The following GPAM variants were observed in gnomAD, a reference collection of about 807,000 sequenced individuals.
The protein encoded by GPAM is glycerol-3-phosphate acyltransferase 1, mitochondrial.
In GPAM, 56 loss-of-function variants were observed where a neutral mutation model predicts 105.0. The ratio of observed to expected loss-of-function variants is 0.53; its 90% CI spans 0.43 to 0.67. GPAM has a LOEUF of 0.67. GPAM is among the 30% of genes least tolerant of loss of function. GPAM has a pLI of 0.00. For missense variants in GPAM, 855 were observed against 989.8 expected (o/e 0.86, Z 1.83); for synonymous variants, 368 against 354.4 (o/e 1.04, Z -0.43).
chr10:112,213,968 A>G (rs1847941764), intron 1 of GPAM, among the ~76,000 whole-genome samples: 1 of 152,146 alleles, frequency 6.6e-6, no homozygotes. Context: ...CAGTTTCCAT[A>G]AATTTATGAA....
At chr10:112,170,762 G>GCTGT (rs1284852156) in intron 9 of GPAM, among the ~76,000 whole-genome samples, 2 of 152,186 alleles carry the variant, frequency 1.3e-5, no homozygotes, top group African/African-American at 4.8e-5. Flanking sequence ...ATTACAGCTA[G>GCTGT]CTGTCTGTCT....
chr10:112,172,057 T>C (rs757374842), intron 9 of GPAM, 125 bp downstream of exon 9: 11 of 744,542 alleles, frequency 1.5e-5, no homozygotes, highest in Non-Finnish European at 2.5e-5. Flanking sequence ...TGTATCACTT[T>C]TATAATAAAA....
rs1472691983 is a variant in GPAM at position 112,180,610 on chromosome 10, G to T, written c.103-15C>A. The T allele has an allele frequency of 6.2e-7, 1 of 1,601,544 alleles. No individual in the cohort carries two copies. Among genetic ancestry groups the T allele is most frequent in the Non-Finnish European group, 8.6e-7 (1 of 1,169,270 alleles). ...CCACACTCACCCTGACAAATATTAA[G>T]AAAAAAATATAGTTTCTAAATGGCA... On this transcript the variant is annotated splice_polypyrimidine_tract_variant and intron_variant, in intron 3 of 21. Coordinates refer to ENST00000348367, the MANE Select transcript of GPAM (RefSeq NM_001244949.2).
chr10:112,209,929 G>A (rs1197987806), intron 1 of GPAM, among the ~76,000 whole-genome samples: 3 of 152,232 alleles, frequency 2.0e-5, no homozygotes, highest in Admixed American at 6.5e-5. Flanking sequence ...CATGGGTAGA[G>A]TTTGCATGCA....
intron 15 of GPAM, among the ~76,000 whole-genome samples, 185 bp from the exon 16 acceptor site, chr10:112,161,053 C>T (rs1327724754): frequency 6.6e-6 from 1 of 152,146 alleles, no homozygotes; most frequent in African/African-American, 2.4e-5. Flanking sequence ...GCTGGTCCTC[C>T]AGGAATGTCA....
chr10:112,170,468 A>C (rs998657400), intron 9 of GPAM, among the ~76,000 whole-genome samples: 3 of 152,256 alleles, frequency 2.0e-5, no homozygotes, highest in Non-Finnish European at 2.9e-5. Context: ...ATTACAAAAA[A>C]TTATCAGTGT....
In GPAM at chr10:112,151,345, G is replaced by A; in HGVS notation, c.*2205C>T. ...TTCGTTTTTTTGTTTTTTGTTTTCAGTCATGAGGCACTGAAGAATGAGTTG... is the reference window on the plus strand; with the variant it reads ...TTCGTTTTTTTGTTTTTTGTTTTCAATCATGAGGCACTGAAGAATGAGTTG... On this transcript the variant is annotated 3_prime_UTR_variant, in exon 22 of 22. Transcript: ENST00000348367. 1.0e-6 allele frequency: 1 copy of A among 985,710 alleles called. No individual in the cohort carries two copies. The highest frequency in any genetic ancestry group is 1.1e-4 in the East Asian group (1 of 8,812). The allele number at this position is 985,710 out of a possible 1,614,324, so 61.1% of individuals were successfully genotyped here.
At chr10:112,170,655 G>A (rs796371088) in intron 9 of GPAM, among the ~76,000 whole-genome samples, 38 of 152,140 alleles carry the variant, frequency 2.5e-4, no homozygotes, top group African/African-American at 8.2e-4. Flanking sequence ...TCAGTTTCCC[G>A]GTTCCTTGTT....
intron 14 of GPAM, 52 bp from the exon 15 acceptor site, chr10:112,161,789 T>C: frequency 7.4e-7 from 1 of 1,356,806 alleles, no homozygotes; most frequent in Non-Finnish European, 1.1e-6. Context: ...CAAACATAGC[T>C]GAACTTTTTT....
chr10:112,177,884 C>A, intron 5 of GPAM, 100 bp downstream of exon 5: 1 of 698,932 alleles, frequency 1.4e-6, no homozygotes, highest in Non-Finnish European at 2.6e-6. Flanking sequence ...ATTCTATTCA[C>A]TCTCAGTAAT....
chr10:112,203,090 T>G (rs1292107518), intron 1 of GPAM, among the ~76,000 whole-genome samples: 1 of 151,970 alleles, frequency 6.6e-6, no homozygotes, highest in Non-Finnish European at 1.5e-5. Flanking sequence ...ACAGGCCTCC[T>G]CTCAGCGCTG....
At chr10:112,159,842 C>CG (rs1261903731) in intron 17 of GPAM, 69 bp downstream of exon 17, 81 of 1,471,996 alleles carry the variant, frequency 5.5e-5, no homozygotes, top group South Asian at 4.7e-4. Context: ...CAGAAAAACA[C>CG]GGGGGGTTAC....
intron 1 of GPAM, among the ~76,000 whole-genome samples, chr10:112,196,693 C>T (rs1333822661): frequency 1.3e-5 from 2 of 152,174 alleles, no homozygotes; most frequent in South Asian, 4.1e-4. Context: ...ATGTTTATTA[C>T]AAGGATGATC....
At chr10:112,199,723 G>A (rs978086622) in intron 1 of GPAM, among the ~76,000 whole-genome samples, 2 of 152,124 alleles carry the variant, frequency 1.3e-5, no homozygotes, top group African/African-American at 4.8e-5. Context: ...CATGATGGAA[G>A]GTAAATGAGG....
chr10:112,213,555 G>A (rs1430569809), intron 1 of GPAM, among the ~76,000 whole-genome samples: 1 of 152,138 alleles, frequency 6.6e-6, no homozygotes, highest in Non-Finnish European at 1.5e-5. Flanking sequence ...GTCTGGTGGG[G>A]GCAATGGATC....
intron 1 of GPAM, among the ~76,000 whole-genome samples, chr10:112,198,983 C>T (rs1737510648): frequency 1.3e-5 from 2 of 151,596 alleles, no homozygotes; most frequent in Admixed American, 6.6e-5. Flanking sequence ...AGTGCAGTGG[C>T]ACCATCTCGG....
Position 112,163,709 on chromosome 10 carries a change from A to C in GPAM, c.1415T>G (p.Ile472Ser). The C allele has an allele frequency of 2.1e-6, 3 of 1,459,978 alleles. No homozygotes were observed. The highest frequency in any genetic ancestry group is 2.9e-6 in the Non-Finnish European group (3 of 1,039,184). The allele number at this position is 1,459,978 out of a possible 1,614,324, so 90.4% of individuals were successfully genotyped here. A position where few individuals can be genotyped will look rare whatever the true frequency, so the allele number is the denominator to read the frequency against. ...TCTGGTATTCTACTTACTGAATAGAATATGCTCAGCCAGATTTGCAATCAA... is the reference window on the plus strand; with the variant it reads ...TCTGGTATTCTACTTACTGAATAGACTATGCTCAGCCAGATTTGCAATCAA... ...RRLIANLAEH[I>S]LFTASKSCAI... Residue 472 changes from isoleucine to serine, a missense_variant, in exon 14 of 22, where the codon ATT (isoleucine) becomes AGT (serine). Ile to Ser is a moderately radical substitution (Grantham distance 142). Transcript: ENST00000348367.
intron 12 of GPAM, among the ~76,000 whole-genome samples, chr10:112,166,147 A>T (rs936159604): frequency 6.6e-5 from 10 of 152,178 alleles, no homozygotes; most frequent in African/African-American, 2.4e-4. Flanking sequence ...TTAGATGGTC[A>T]TGAATTAAAA....
chr10:112,161,113 C>T (rs1481037490), intron 15 of GPAM, among the ~76,000 whole-genome samples: 1 of 152,158 alleles, frequency 6.6e-6, no homozygotes, highest in African/African-American at 2.4e-5. Context: ...ATGATATGCA[C>T]ACATAAGATC....
Sources: allele counts gnomAD v4.1 joint callset (sites outside exome capture counted in the v4.1 genomes callset), GRCh38; gene constraint gnomAD v4.1.1; transcripts MANE v1.5; gene names NCBI Gene and HGNC (gene_info 2026-07-23, HGNC 2026-07-21).